Variants in CD163L1 observed in about 807,000 individuals in gnomAD.
CD163L1 encodes the protein scavenger receptor cysteine-rich type 1 protein M160.
Under a neutral mutation model 165.4 loss-of-function variants are expected in CD163L1, and 124 were observed. That is an observed-to-expected ratio of 0.75 (90% CI 0.65 to 0.87). The LOEUF (loss-of-function observed/expected upper bound fraction) is 0.87. Ranked by LOEUF, CD163L1 falls within the 40% of genes least tolerant of loss-of-function variation. The pLI is 0.00. For synonymous variants in CD163L1, 585 were observed against 662.2 expected (o/e 0.88, Z 1.79); for missense variants, 1,525 against 1,799.9 (o/e 0.85, Z 2.76).
chr12:7,367,477 T>A, intron 17 of CD163L1, 146 bp from the exon 18 acceptor site: 1 of 483,994 alleles, frequency 2.1e-6, no homozygotes, highest in Non-Finnish European at 3.7e-6. Flanking sequence ...GCTAGTGAAT[T>A]TTTTACATTT....
chr12:7,374,881 G>A lies in CD163L1; in HGVS notation c.3044C>T (p.Ser1015Phe), dbSNP rs1947230351. The change falls in exon 12 of 20, where the codon TCT (serine) becomes TTT (phenylalanine). Residue 1015 changes from serine to phenylalanine, a missense_variant. By Grantham distance (155) the Ser-to-Phe change is radical. Coordinates refer to ENST00000313599, the MANE Select transcript of CD163L1 (RefSeq NM_174941.6). The surrounding 1 kb of genome is among the most constrained non-coding windows in gnomAD (Gnocchi z 5.4). ...TGGAACTGCAGACAAATATGGGTCA[G>A]ATACATTTGCGAGGCATGGAAACAG... Reference protein sequence around the residue: ...QPLFPCLANVSDPYLSAVPEG... With the variant: ...QPLFPCLANVFDPYLSAVPEG... 1 of 1,614,208 alleles carries A rather than the reference G, an allele frequency of 6.2e-7. No individual in the cohort carries two copies. Among genetic ancestry groups the A allele is most frequent in the Non-Finnish European group, 8.5e-7 (1 of 1,180,014 alleles).
At chr12:7,415,519 G>A (rs1342106397) in intron 4 of CD163L1, among the ~76,000 whole-genome samples, 3 of 151,960 alleles carry the variant, frequency 2.0e-5, no homozygotes, top group African/African-American at 4.8e-5. Context: ...GGTGGTTTGG[G>A]GCACCCATCA....
At chr12:7,395,970 T>C (rs1947764651) in intron 8 of CD163L1, 125 bp downstream of exon 8, 2 of 654,312 alleles carry the variant, frequency 3.1e-6, no homozygotes, top group East Asian at 5.5e-5. Context: ...GAATATGAGG[T>C]ATGGTTAGCT....
chr12:7,441,628 C>G (rs1948832335), intron 1 of CD163L1, among the ~76,000 whole-genome samples: 1 of 152,194 alleles, frequency 6.6e-6, no homozygotes, highest in South Asian at 2.1e-4. Context: ...CGTTATCCCC[C>G]TACTTTGTTC....
At chr12:7,334,442 C>A in the CD163L1 span, among the ~76,000 whole-genome samples, 4 of 152,108 alleles carry the variant, frequency 2.6e-5, no homozygotes, top group African/African-American at 7.2e-5. Flanking sequence ...ATTCAACAAC[C>A]CTTCATGCTA....
rs111714614 is a variant in CD163L1 at position 7,391,655 on chromosome 12, G to A, written c.2050+4440C>T. On this transcript the variant is annotated intron_variant, in intron 8 of 19. Coordinates refer to ENST00000313599, the MANE Select transcript of CD163L1 (RefSeq NM_174941.6). Reference sequence around the variant, plus strand: ...AGACTTGGATAAAGACTCAAGACCCGTCAGTGTGCTGTATTCAGGAGACCC... The same window carrying A: ...AGACTTGGATAAAGACTCAAGACCCATCAGTGTGCTGTATTCAGGAGACCC... Among the ~76,000 whole-genome samples, 710 of 152,022 alleles carry A rather than the reference G, an allele frequency of 4.7e-3. 7 individuals are homozygous for A. Among genetic ancestry groups the A allele is most frequent in the African/African-American group, 0.016 (661 of 41,472 alleles).
chr12:7,334,463 G>A, the CD163L1 span, among the ~76,000 whole-genome samples: 18 of 152,048 alleles, frequency 1.2e-4, no homozygotes, highest in Admixed American at 1.2e-3. Flanking sequence ...AAAACTCTCA[G>A]TAAATTAGGT....
intron 4 of CD163L1, among the ~76,000 whole-genome samples, chr12:7,424,908 G>A (rs756995691): frequency 3.9e-5 from 6 of 152,110 alleles, no homozygotes; most frequent in Non-Finnish European, 8.8e-5. Context: ...TGGCCATACT[G>A]CCCAAAGTAA....
intron 2 of CD163L1, among the ~76,000 whole-genome samples, chr12:7,437,228 AAGTATTTACTTTTAAATAGTATTTAAAT>A (rs1948731516): frequency 4.7e-4 from 1 of 2,110 alleles, no homozygotes; most frequent in African/African-American, 7.0e-4. Context: ...TAGTATTTAA[AAGTATTTACTTTTAAATAGTATTTAAAT>A]AGTATTTAAA....
chr12:7,439,221 C>T (rs1209764844), intron 2 of CD163L1: 22 of 1,578,418 alleles, frequency 1.4e-5, no homozygotes, highest in Non-Finnish European at 1.7e-5. Context: ...ACCTGGGATT[C>T]GACAAATTTT....
intron 1 of CD163L1, among the ~76,000 whole-genome samples, chr12:7,442,444 ACTTCT>A (rs1201980476): frequency 2.0e-5 from 3 of 152,226 alleles, no homozygotes; most frequent in Non-Finnish European, 2.9e-5. Flanking sequence ...GATCCCGGGC[ACTTCT>A]CTAAGAAGTA....
At chr12:7,391,643 G>T (rs1030299621) in intron 8 of CD163L1, among the ~76,000 whole-genome samples, 2 of 152,062 alleles carry the variant, frequency 1.3e-5, no homozygotes, top group African/African-American at 4.8e-5. Flanking sequence ...CTTGGATAAA[G>T]ACTCAAGACC....
chr12:7,423,699 A>G (rs1948483882), intron 4 of CD163L1, among the ~76,000 whole-genome samples: 1 of 152,168 alleles, frequency 6.6e-6, no homozygotes, highest in South Asian at 2.1e-4. Context: ...CACTATATCC[A>G]CCTCTACACA....
At chr12:7,396,851 A>G (rs1162240016) in intron 7 of CD163L1, among the ~76,000 whole-genome samples, 1 of 148,136 alleles carries the variant, frequency 6.8e-6, no homozygotes, top group Non-Finnish European at 1.5e-5. Flanking sequence ...ATATGCACAC[A>G]CACACAGAGA....
chr12:7,375,195 C>G, intron 11 of CD163L1, 86 bp downstream of exon 11: 3 of 1,384,098 alleles, frequency 2.2e-6, no homozygotes, highest in Non-Finnish European at 3.0e-6. Context: ...CCCCCATTTT[C>G]TTACTCATCT....
intron 4 of CD163L1, among the ~76,000 whole-genome samples, chr12:7,424,506 G>T (rs750200798): frequency 1.3e-5 from 2 of 152,234 alleles, no homozygotes; most frequent in East Asian, 3.9e-4. Context: ...GCAAGAGAAA[G>T]AAATAAAGGG....
At chr12:7,394,220 C>G (rs1399380116) in intron 8 of CD163L1, among the ~76,000 whole-genome samples, 1 of 152,010 alleles carries the variant, frequency 6.6e-6, no homozygotes, top group African/African-American at 2.4e-5. Context: ...GTAACCAAAA[C>G]AGCATGGTAC....
chr12:7,375,322 G>A lies in CD163L1; in HGVS notation c.2960C>T (p.Pro987Leu). The A allele has an allele frequency of 6.2e-7, 1 of 1,614,124 alleles. No homozygotes were observed. The highest frequency in any genetic ancestry group is 8.5e-7 in the Non-Finnish European group (1 of 1,180,000). Residue 987 changes from proline (P) to leucine (L), a missense_variant, in exon 11 of 20, where the codon CCT becomes CTT. Transcript: ENST00000313599. ...GACAGTATTTCCATGGATACAGGGA[G>A]GTGCTCCAAGAACTGTCATTTGACA... ...DNCQMTVLGA[P>L]PCIHGNTVSV...
the CD163L1 span, among the ~76,000 whole-genome samples, chr12:7,336,613 C>T: frequency 6.6e-6 from 1 of 152,010 alleles, no homozygotes; most frequent in Admixed American, 6.6e-5. Context: ...ACATATGTAA[C>T]TAACCTGCAC....
Sources: gnomAD v4.1 joint callset for allele counts (sites outside exome capture counted in the v4.1 genomes callset) on GRCh38, gnomAD v4.1.1 for gene constraint, Gnocchi (gnomAD v3.1) non-coding constraint, MANE v1.5 for transcripts, NCBI Gene and HGNC (gene_info 2026-07-23, HGNC 2026-07-21) for gene names.